FHIT: variants seen among roughly 807,000 people sequenced by gnomAD.
The protein encoded by FHIT is fragile histidine triad diadenosine triphosphatase.
A neutral mutation model predicts 17.9 loss-of-function variants in FHIT; 19 were observed. The ratio of observed to expected loss-of-function variants is 1.06; its 90% CI spans 0.74 to 1.56. The LOEUF (loss-of-function observed/expected upper bound fraction) is 1.56, where lower values mean the gene tolerates loss of function less well. FHIT is among the 40% of genes most tolerant of loss of function. The probability of loss-of-function intolerance (pLI) is 0.00; values close to 1 mark genes in which losing one functional copy is unlikely to be tolerated. For missense variants in FHIT, 248 were observed against 189.2 expected (o/e 1.31, Z -1.82); for synonymous variants, 81 against 69.7 (o/e 1.16, Z -0.81).
At chr3:60,323,187 G>C (rs886657911) in intron 5 of FHIT, among the ~76,000 whole-genome samples, 3 of 152,004 alleles carry the variant, frequency 2.0e-5, no homozygotes, top group Non-Finnish European at 2.9e-5. Flanking sequence ...CCTCCCTCAA[G>C]GGGACGCAGG....
chr3:60,705,213 TC>T (rs2041344108), intron 4 of FHIT, among the ~76,000 whole-genome samples: 1 of 152,166 alleles, frequency 6.6e-6, no homozygotes, highest in South Asian at 2.1e-4. Context: ...TCTTATTTTA[TC>T]CTCACAGTAA....
intron 3 of FHIT, among the ~76,000 whole-genome samples, chr3:60,847,312 G>A (rs1006877301): frequency 2.0e-5 from 3 of 152,100 alleles, no homozygotes; most frequent in East Asian, 1.9e-4. Flanking sequence ...TCCAGTTAGG[G>A]TACCTCTGAA....
intron 3 of FHIT, among the ~76,000 whole-genome samples, chr3:60,970,198 A>G (rs546560751): frequency 1.7e-4 from 26 of 152,268 alleles, no homozygotes; most frequent in African/African-American, 6.3e-4. Flanking sequence ...AAGGCTGAAG[A>G]TTTGTATATT....
intron 5 of FHIT, among the ~76,000 whole-genome samples, chr3:60,076,268 G>C (rs1448355929): frequency 6.6e-6 from 1 of 151,972 alleles, no homozygotes; most frequent in Non-Finnish European, 1.5e-5. Flanking sequence ...ATTTTCAAGT[G>C]ACCTTTTATA....
At position 60,027,140 on chromosome 3, in the gene FHIT, C is replaced by CAA. The variant is rs1209851135; in HGVS notation, c.104-12989_104-12988insTT. 3.8e-3 allele frequency among the ~76,000 whole-genome samples: 443 copies of CAA among 116,762 alleles called. 8 individuals carry two copies. Among genetic ancestry groups the CAA allele is most frequent in the African/African-American group, 0.015 (379 of 25,526 alleles). 76.6% of individuals were successfully genotyped at this position (116,762 alleles called of 152,430 possible). On this transcript the variant is annotated intron_variant, in intron 5 of 9. Coordinates refer to ENST00000492590, the MANE Select transcript of FHIT (RefSeq NM_002012.4). ...ACACACACACACACACACACACACA[C>CAA]ACACACACAAAATTAGTAAACCCAA...
At chr3:60,114,262 C>A (rs1180699926) in intron 5 of FHIT, among the ~76,000 whole-genome samples, 1 of 149,886 alleles carries the variant, frequency 6.7e-6, no homozygotes, top group Non-Finnish European at 1.5e-5. Context: ...GTTTATATAG[C>A]TACTTAGGAG....
At chr3:60,609,248 G>T (rs979821516) in intron 4 of FHIT, among the ~76,000 whole-genome samples, 2 of 152,114 alleles carry the variant, frequency 1.3e-5, no homozygotes, top group Non-Finnish European at 2.9e-5. Flanking sequence ...CAACAAATCT[G>T]CCAGCATTGC....
chr3:60,542,783 T>C (rs1468251254), intron 4 of FHIT, among the ~76,000 whole-genome samples: 2 of 152,226 alleles, frequency 1.3e-5, no homozygotes, highest in African/African-American at 4.8e-5. Flanking sequence ...ATTTTCTTTT[T>C]ATAGTTTGTG....
chr3:61,108,791 ATAGC>A (rs1274372364), intron 2 of FHIT, among the ~76,000 whole-genome samples: 6 of 152,212 alleles, frequency 3.9e-5, no homozygotes, highest in Non-Finnish European at 7.3e-5. Flanking sequence ...TGTGGCAGCC[ATAGC>A]TAGGCTATCA....
At chr3:61,201,972 A>G (rs953241088) in intron 1 of FHIT, among the ~76,000 whole-genome samples, 9 of 152,232 alleles carry the variant, frequency 5.9e-5, no homozygotes, top group East Asian at 3.9e-4. Context: ...ATGTGTGTGT[A>G]TGTATATACA....
chr3:60,463,469 C>T (rs998986688), intron 5 of FHIT, among the ~76,000 whole-genome samples: 1 of 152,168 alleles, frequency 6.6e-6, no homozygotes, highest in African/African-American at 2.4e-5. Context: ...GCCCTATTGG[C>T]CCTAAAATGT....
chr3:60,722,707 C>CTTTTTTTTT (rs1157024624), intron 4 of FHIT, among the ~76,000 whole-genome samples: 3 of 104,946 alleles, frequency 2.9e-5, no homozygotes, highest in Non-Finnish European at 3.8e-5. Context: ...TACCTTAAAT[C>CTTTTTTTTT]TTTTTTTTTT....
chr3:60,078,009 G>T lies in FHIT; in HGVS notation c.104-63857C>A, dbSNP rs575375286. ...TTATTTTTAAAAAAATGGGAGGTGG[G>T]GGAGAAAAGCCCTTCCTTACAGAAT... On this transcript the variant is annotated intron_variant, in intron 5 of 9. Coordinates refer to ENST00000492590, the MANE Select transcript of FHIT (RefSeq NM_002012.4). 6.9e-4 allele frequency among the ~76,000 whole-genome samples: 105 copies of T among 152,030 alleles called. 2 individuals carry two copies. Among genetic ancestry groups the T allele is most frequent in the Non-Finnish European group, 1.3e-3 (91 of 67,944 alleles).
intron 5 of FHIT, among the ~76,000 whole-genome samples, chr3:60,235,183 C>G (rs1385965447): frequency 1.3e-5 from 2 of 151,594 alleles, no homozygotes; most frequent in African/African-American, 4.9e-5. Flanking sequence ...CAAAATCCTT[C>G]TCTGTTAAGT....
intron 2 of FHIT, among the ~76,000 whole-genome samples, chr3:61,127,143 G>C (rs1192234561): frequency 6.6e-6 from 1 of 152,176 alleles, no homozygotes; most frequent in East Asian, 1.9e-4. Flanking sequence ...AGAATCATTT[G>C]ACTTCGGTAC....
intron 4 of FHIT, among the ~76,000 whole-genome samples, chr3:60,635,281 A>AAAC (rs1327650812): frequency 7.7e-4 from 1 of 1,300 alleles, no homozygotes; most frequent in Non-Finnish European, 1.3e-3. Context: ...AAAAAGCCAG[A>AAAC]ATCACATTTT....
chr3:60,004,809 G>A (rs1699860002), intron 7 of FHIT, among the ~76,000 whole-genome samples: 1 of 152,028 alleles, frequency 6.6e-6, no homozygotes, highest in African/African-American at 2.4e-5. Flanking sequence ...GCCTACTTTT[G>A]CAGGTTGTTG....
rs1419743882 is a variant in FHIT at position 59,747,614 on chromosome 3, T to C, written c.*1971A>G. 6.6e-6 allele frequency among the ~76,000 whole-genome samples: 1 copy of C among 152,144 alleles called. No homozygotes were observed. The highest frequency in any genetic ancestry group is 6.5e-5 in the Admixed American group (1 of 15,276). ...TTTGGTCTTATAGTCTTTATTCTTA[T>C]ATAGGGCATCTCTGGATATAGGTGT... On this transcript the variant is annotated 3_prime_UTR_variant, in exon 10 of 10. Coordinates refer to ENST00000492590, the MANE Select transcript of FHIT (RefSeq NM_002012.4).
intron 4 of FHIT, chr3:60,730,099 C>A: frequency 1.9e-6 from 1 of 512,850 alleles, no homozygotes; most frequent in Non-Finnish European, 3.9e-6. Context: ...GTAGATGTGT[C>A]CCAATGTCAT....
Sources: gnomAD v4.1 joint callset for allele counts (sites outside exome capture counted in the v4.1 genomes callset) on GRCh38, gnomAD v4.1.1 for gene constraint, MANE v1.5 for transcripts, NCBI Gene and HGNC (gene_info 2026-07-23, HGNC 2026-07-21) for gene names.